Variants in EIF2B3 observed in about 807,000 individuals in gnomAD.
EIF2B3 encodes translation initiation factor eIF2B subunit gamma.
Under a neutral mutation model 54.1 loss-of-function variants are expected in EIF2B3, and 20 were observed. The observed-to-expected ratio is 0.37, with a 90% CI of 0.26 to 0.54. The LOEUF (loss-of-function observed/expected upper bound fraction) is 0.54. Among genes scored for constraint, EIF2B3 ranks in the 20% least tolerant of loss-of-function variants. The probability of loss-of-function intolerance (pLI) is 0.86; values close to 1 mark genes in which losing one functional copy is unlikely to be tolerated. For missense variants in EIF2B3, 448 were observed against 547.8 expected (o/e 0.82, Z 1.82); for synonymous variants, 153 against 188.1 (o/e 0.81, Z 1.52).
intron 6 of EIF2B3, among the ~76,000 whole-genome samples, chr1:44,882,807 GT>G (rs1177966271): frequency 6.6e-6 from 1 of 151,460 alleles, no homozygotes; most frequent in Non-Finnish European, 1.5e-5. Context: ...TAGGGATGGG[GT>G]TTTGCCATGT....
chr1:44,929,060 A>C lies in EIF2B3; in HGVS notation c.455-2321T>G, dbSNP rs140595233. Among the ~76,000 whole-genome samples, 1,283 of 152,308 alleles carry C rather than the reference A, an allele frequency of 8.4e-3. 16 individuals are homozygous for C. The highest frequency in any genetic ancestry group is 0.029 in the African/African-American group (1,219 of 41,548). On this transcript the variant is annotated intron_variant, in intron 4 of 11. Coordinates refer to ENST00000360403, the MANE Select transcript of EIF2B3 (RefSeq NM_020365.5). ...ACAGGTTTATTATGCAGAATAAGTGAATTAATATTTGTAAAGAATTTATAA... is the reference window on the plus strand; with the variant it reads ...ACAGGTTTATTATGCAGAATAAGTGCATTAATATTTGTAAAGAATTTATAA...
chr1:44,966,960 C>T (rs1644348375), intron 3 of EIF2B3, among the ~76,000 whole-genome samples: 1 of 151,776 alleles, frequency 6.6e-6, no homozygotes, highest in Admixed American at 6.6e-5. Flanking sequence ...GGACTACGAG[C>T]ACACGCCACT....
At chr1:44,947,095 T>C (rs1644111362) in intron 3 of EIF2B3, among the ~76,000 whole-genome samples, 1 of 152,196 alleles carries the variant, frequency 6.6e-6, no homozygotes, top group Non-Finnish European at 1.5e-5. Flanking sequence ...AGAGACCAAC[T>C]GGCCTCTCCA....
chr1:44,965,326 C>A (rs1015950975), intron 3 of EIF2B3, among the ~76,000 whole-genome samples: 2 of 152,110 alleles, frequency 1.3e-5, no homozygotes, highest in Non-Finnish European at 2.9e-5. Context: ...TACATACATA[C>A]AACTATCTAA....
At chr1:44,896,030 T>G in intron 6 of EIF2B3, among the ~76,000 whole-genome samples, 1 of 152,164 alleles carries the variant, frequency 6.6e-6, no homozygotes, top group Non-Finnish European at 1.5e-5. Context: ...TGGATCACCC[T>G]CTAAATCTTG....
rs751796128 is a variant in EIF2B3 at position 44,866,558 on chromosome 1, A to AT, written c.1202+8119dup. Among the ~76,000 whole-genome samples the AT allele has an allele frequency of 2.0e-3, 291 of 144,022 alleles. 1 individual carries two copies. The East Asian group carries it at 0.025, about 12-fold the overall frequency. 94.5% of individuals were successfully genotyped at this position (144,022 alleles called of 152,430 possible). A position where few individuals can be genotyped will look rare whatever the true frequency, so the allele number is the denominator to read the frequency against. ...GGGAAAATAGTTTATGGCTATGACA[A>AT]TTTTTTTTTTTTTTTAGATGGAGTC... is the stretch of plus-strand genomic sequence containing the variant. On this transcript the variant is annotated intron_variant, in intron 10 of 11. Coordinates refer to ENST00000360403, the MANE Select transcript of EIF2B3 (RefSeq NM_020365.5).
chr1:44,896,373 TG>T (rs142032167), intron 6 of EIF2B3, among the ~76,000 whole-genome samples: 12,721 of 152,050 alleles, frequency 0.084, 1,810 homozygotes, highest in African/African-American at 0.29. Context: ...GCAAGTGTTG[TG>T]GGGGGGTGAC....
intron 6 of EIF2B3, among the ~76,000 whole-genome samples, chr1:44,884,824 G>A (rs532968425): frequency 1.3e-5 from 2 of 152,146 alleles, no homozygotes; most frequent in Non-Finnish European, 2.9e-5. Context: ...GCAAGCAGAC[G>A]AGCCTTGGCA....
intron 4 of EIF2B3, among the ~76,000 whole-genome samples, chr1:44,936,781 T>A (rs926805568): frequency 2.0e-5 from 3 of 152,224 alleles, no homozygotes; most frequent in Admixed American, 2.0e-4. Flanking sequence ...AGTTATTAAA[T>A]GAGATTTGTT....
At chr1:44,928,369 C>T (rs901593595) in intron 4 of EIF2B3, among the ~76,000 whole-genome samples, 2 of 152,222 alleles carry the variant, frequency 1.3e-5, no homozygotes, top group Admixed American at 1.3e-4. Context: ...ATCACTTGTA[C>T]CTGGGAGGCA....
intron 3 of EIF2B3, among the ~76,000 whole-genome samples, chr1:44,977,410 A>G (rs1345191221): frequency 6.6e-6 from 1 of 151,734 alleles, no homozygotes; most frequent in Admixed American, 6.6e-5. Context: ...ATACATTAAC[A>G]TTGCTTGTTC....
intron 5 of EIF2B3, among the ~76,000 whole-genome samples, chr1:44,919,562 A>T (rs1016945575): frequency 6.6e-6 from 1 of 152,134 alleles, no homozygotes; most frequent in Admixed American, 6.6e-5. Flanking sequence ...CATTTTCATC[A>T]GAAGAAATAT....
chr1:44,925,009 C>T (rs1448284054), intron 5 of EIF2B3: 1 of 152,140 alleles, frequency 6.6e-6, no homozygotes, highest in Admixed American at 6.6e-5. Flanking sequence ...ATTCTCTTTT[C>T]CTTCTGTATC....
chr1:44,920,875 T>C (rs1643725500), intron 5 of EIF2B3, among the ~76,000 whole-genome samples: 1 of 152,228 alleles, frequency 6.6e-6, no homozygotes, highest in South Asian at 2.1e-4. Flanking sequence ...CTCTTCAATA[T>C]ACTGATTTCC....
chr1:44,915,616 G>T (rs1253817643), intron 5 of EIF2B3, among the ~76,000 whole-genome samples: 1 of 152,022 alleles, frequency 6.6e-6, no homozygotes, highest in African/African-American at 2.4e-5. Context: ...CTCCAGCCTA[G>T]GTCTCCCAAA....
At chr1:44,951,859 C>T (rs1447840700) in intron 3 of EIF2B3, among the ~76,000 whole-genome samples, 2 of 150,528 alleles carry the variant, frequency 1.3e-5, no homozygotes, top group Non-Finnish European at 3.0e-5. Context: ...TCAATCTCAG[C>T]TCACTGCAGC....
intron 3 of EIF2B3, among the ~76,000 whole-genome samples, chr1:44,966,387 C>T (rs180689136): frequency 0.011 from 1,582 of 145,420 alleles, 31 homozygotes; most frequent in African/African-American, 0.038. Context: ...TGCAGTGAGC[C>T]GAGATTATGC....
chr1:44,927,398 G>A (rs1189337295), intron 4 of EIF2B3, among the ~76,000 whole-genome samples: 1 of 152,002 alleles, frequency 6.6e-6, no homozygotes, highest in Non-Finnish European at 1.5e-5. Flanking sequence ...GAGAGCTGGG[G>A]GAGAGATGCC....
intron 3 of EIF2B3, among the ~76,000 whole-genome samples, chr1:44,963,716 G>A (rs1382389711): frequency 6.6e-6 from 1 of 152,210 alleles, no homozygotes; most frequent in Non-Finnish European, 1.5e-5. Flanking sequence ...TACTCGGGCT[G>A]TAATGTTACT....
Sources: allele counts gnomAD v4.1 joint callset (sites outside exome capture counted in the v4.1 genomes callset), GRCh38; gene constraint gnomAD v4.1.1; transcripts MANE v1.5; gene names NCBI Gene and HGNC (gene_info 2026-07-23, HGNC 2026-07-21).